RNGTT: variants seen among roughly 807,000 people sequenced by gnomAD.
RNGTT encodes the protein RNA guanylyltransferase and 5'-phosphatase.
In RNGTT, 33 loss-of-function variants were observed where a neutral mutation model predicts 79.3. The observed-to-expected ratio is 0.42, with a 90% CI of 0.32 to 0.56. The LOEUF is 0.56. Among genes scored for constraint, RNGTT ranks in the 20% least tolerant of loss-of-function variants. The probability of loss-of-function intolerance (pLI) is 0.17; values close to 1 mark genes in which losing one functional copy is unlikely to be tolerated. For missense variants in RNGTT, 497 were observed against 739.1 expected, an observed-to-expected ratio of 0.67 and a Z score of 3.80; for synonymous variants, 222 against 235.9, an observed-to-expected ratio of 0.94 and a Z score of 0.54.
chr6:88,887,066 A>AC (rs1263235637), intron 8 of RNGTT, among the ~76,000 whole-genome samples: 1 of 151,170 alleles, frequency 6.6e-6, no homozygotes, highest in Non-Finnish European at 1.5e-5. Flanking sequence ...AAAAAAAAAA[A>AC]AAAAGCCACT....
At chr6:88,708,254 G>A (rs1188370516) in intron 13 of RNGTT, among the ~76,000 whole-genome samples, 1 of 152,086 alleles carries the variant, frequency 6.6e-6, no homozygotes, top group African/African-American at 2.4e-5. Flanking sequence ...TGCCACAGGT[G>A]AAACTATCTT....
intron 13 of RNGTT, among the ~76,000 whole-genome samples, chr6:88,757,210 G>A (rs1778048629): frequency 6.6e-6 from 1 of 152,066 alleles, no homozygotes; most frequent in Non-Finnish European, 1.5e-5. Flanking sequence ...ACCTACCACA[G>A]TGAAACAAAA....
In RNGTT at chr6:88,963,333, C is replaced by CA. The variant is rs750715810; in HGVS notation, c.64+12dup. The CA allele has an allele frequency of 6.8e-6, 11 of 1,612,126 alleles. No individual in the cohort carries two copies. The South Asian group carries it at 1.2e-4, about 18-fold the overall frequency. ...GGAGTGTGGGGATTCGAACGCCCCC[C>CA]AGTCCAGGTTACCTGCCACCGGCTG... On this transcript the variant is annotated intron_variant, in intron 1 of 15. Transcript: ENST00000369485.
At chr6:88,848,124 T>A (rs976828940) in intron 10 of RNGTT, among the ~76,000 whole-genome samples, 1 of 151,846 alleles carries the variant, frequency 6.6e-6, no homozygotes, top group Non-Finnish European at 1.5e-5. Context: ...TTAAACCTTG[T>A]TAGTAATCAA....
At chr6:88,940,055 C>T (rs917751064) in intron 2 of RNGTT, among the ~76,000 whole-genome samples, 1 of 150,444 alleles carries the variant, frequency 6.6e-6, no homozygotes, top group African/African-American at 2.5e-5. Context: ...ACCATCCCAG[C>T]CCCAGTTTTT....
chr6:88,903,064 T>C (rs772143148), intron 6 of RNGTT, among the ~76,000 whole-genome samples: 2 of 151,954 alleles, frequency 1.3e-5, no homozygotes, highest in East Asian at 1.9e-4. Flanking sequence ...GTTGGGGTAA[T>C]AGAAGAATAA....
intron 11 of RNGTT, among the ~76,000 whole-genome samples, chr6:88,817,389 C>T (rs1780345650): frequency 6.6e-6 from 1 of 150,638 alleles, no homozygotes; most frequent in Admixed American, 6.7e-5. Flanking sequence ...CACCTGTAAT[C>T]CAAACGCTTT....
chr6:88,817,518 G>A (rs1052350016), intron 11 of RNGTT, among the ~76,000 whole-genome samples: 11 of 140,898 alleles, frequency 7.8e-5, no homozygotes, highest in African/African-American at 2.8e-4. Flanking sequence ...AAAAAAAAGT[G>A]GGGGGAGGTG....
At chr6:88,829,597 C>T (rs192837047) in intron 11 of RNGTT, among the ~76,000 whole-genome samples, 24 of 149,524 alleles carry the variant, frequency 1.6e-4, no homozygotes, top group Admixed American at 6.7e-4. Context: ...GATAAAGAGT[C>T]AAGACCCATC....
At chr6:88,801,243 T>C (rs1164615949) in intron 12 of RNGTT, among the ~76,000 whole-genome samples, 1 of 152,224 alleles carries the variant, frequency 6.6e-6, no homozygotes, top group African/African-American at 2.4e-5. Context: ...ATTTATGTAA[T>C]GCTATTGGTA....
chr6:88,689,149 C>T (rs531077749), intron 13 of RNGTT, among the ~76,000 whole-genome samples: 21 of 152,190 alleles, frequency 1.4e-4, no homozygotes, highest in African/African-American at 4.6e-4. Flanking sequence ...ATTCTTAAGT[C>T]CATACCAATA....
chr6:88,667,188 C>T (rs921120633), intron 14 of RNGTT, among the ~76,000 whole-genome samples: 2 of 152,088 alleles, frequency 1.3e-5, no homozygotes, highest in African/African-American at 4.8e-5. Context: ...CTAGTGCCTA[C>T]TTATTCTAAA....
At chr6:88,698,304 A>ATATATATG (rs1775824253) in intron 13 of RNGTT, among the ~76,000 whole-genome samples, 3 of 120,958 alleles carry the variant, frequency 2.5e-5, no homozygotes, top group Non-Finnish European at 4.6e-5. Context: ...ATATATATGA[A>ATATATATG]ATATATATAT....
chr6:88,963,220 C>G, intron 1 of RNGTT, 126 bp downstream of exon 1: 1 of 899,860 alleles, frequency 1.1e-6, no homozygotes, highest in East Asian at 3.0e-5. Context: ...CGTAATCCGA[C>G]GGAGCATATC....
At chr6:88,913,448 C>T (rs1005163295) in intron 4 of RNGTT, among the ~76,000 whole-genome samples, 1 of 151,944 alleles carries the variant, frequency 6.6e-6, no homozygotes, top group African/African-American at 2.4e-5. Flanking sequence ...AACATAGACA[C>T]AAAAATCCTC....
At chr6:88,853,522 AG>A in intron 9 of RNGTT, 106 bp downstream of exon 9, 1 of 835,676 alleles carries the variant, frequency 1.2e-6, no homozygotes. Flanking sequence ...AAAAAAAAAA[AG>A]TTAGATTTCA....
At chr6:88,896,395 G>A (rs922306532) in intron 6 of RNGTT, among the ~76,000 whole-genome samples, 7 of 152,164 alleles carry the variant, frequency 4.6e-5, no homozygotes, top group African/African-American at 1.4e-4. Flanking sequence ...TTGGGATTCC[G>A]AGACAAGCAG....
chr6:88,668,201 T>C (rs2610718), intron 14 of RNGTT, among the ~76,000 whole-genome samples: 40,622 of 152,046 alleles, frequency 0.27, 9,525 homozygotes, highest in African/African-American at 0.63. Context: ...GTGGAAAGGA[T>C]GCCAGACCAT....
chr6:88,897,525 T>C (rs1288568705), intron 6 of RNGTT, among the ~76,000 whole-genome samples: 2 of 152,198 alleles, frequency 1.3e-5, no homozygotes, highest in Non-Finnish European at 2.9e-5. Flanking sequence ...CACTAATAAA[T>C]ATGCTTGAAT....
Sources: allele counts gnomAD v4.1 joint callset (sites outside exome capture counted in the v4.1 genomes callset), GRCh38; gene constraint gnomAD v4.1.1; transcripts MANE v1.5; gene names NCBI Gene and HGNC (gene_info 2026-07-23, HGNC 2026-07-21).